WDR27: variants seen among roughly 807,000 people sequenced by gnomAD.
The protein encoded by WDR27 is WD repeat-containing protein 27.
WDR27 carries 100 observed loss-of-function variants against 114.4 expected under a neutral mutation model. The ratio of observed to expected loss-of-function variants is 0.87; its 90% CI spans 0.74 to 1.03. The LOEUF (loss-of-function observed/expected upper bound fraction) is 1.03. Ranked by LOEUF, WDR27 falls within the 50% of genes least tolerant of loss-of-function variation. The probability of loss-of-function intolerance (pLI) is 0.00; values close to 1 mark genes in which losing one functional copy is unlikely to be tolerated. For missense variants in WDR27, 1,129 were observed against 1,092.9 expected (o/e 1.03, Z -0.47); for synonymous variants, 449 against 423.1 (o/e 1.06, Z -0.75).
Position 169,699,966 on chromosome 6 carries a change from T to G in WDR27, c.-8+1585A>C, listed in dbSNP as rs1308351384. Among the ~76,000 whole-genome samples, 7 of 152,116 alleles carry G rather than the reference T, an allele frequency of 4.6e-5. No individual in the cohort carries two copies. The East Asian group carries it at 1.4e-3, about 29-fold the overall frequency. The stretch of plus-strand genomic sequence containing the variant: ...CACTCTACTTCAACCTGGACAACAG[T>G]GACATCCTGTCTCAAAGGAAAGAAA... On this transcript the variant is annotated intron_variant, in intron 1 of 25. Coordinates refer to ENST00000448612, the MANE Select transcript of WDR27 (RefSeq NM_182552.5).
At chr6:169,590,560 G>A (rs867555465) in intron 23 of WDR27, among the ~76,000 whole-genome samples, 15 of 152,322 alleles carry the variant, frequency 9.8e-5, no homozygotes, top group African/African-American at 3.4e-4. Flanking sequence ...ATGGTGGCAC[G>A]CAGGGCCACC....
intron 25 of WDR27, among the ~76,000 whole-genome samples, chr6:169,458,922 C>T (rs897671269): frequency 6.6e-6 from 1 of 151,662 alleles, no homozygotes; most frequent in Non-Finnish European, 1.5e-5. Flanking sequence ...AGTCAAGCTA[C>T]AACAATCAAA....
chr6:169,554,534 A>C (rs948071867), intron 25 of WDR27, among the ~76,000 whole-genome samples: 2 of 152,202 alleles, frequency 1.3e-5, no homozygotes, highest in Admixed American at 6.5e-5. Flanking sequence ...TAACCAAATC[A>C]AAATATTGAA....
the WDR27 span, among the ~76,000 whole-genome samples, chr6:169,431,040 A>T: frequency 1.3e-5 from 2 of 152,088 alleles, no homozygotes; most frequent in Admixed American, 6.5e-5. Context: ...GTCACCTAAG[A>T]TCAGTTTTAC....
chr6:169,437,040 T>C, the WDR27 span, among the ~76,000 whole-genome samples: 8 of 152,130 alleles, frequency 5.3e-5, no homozygotes, highest in African/African-American at 1.9e-4. Flanking sequence ...GCAAAAGTAA[T>C]GTGTATGAGT....
At chr6:169,660,600 T>C (rs993378678) in intron 10 of WDR27, 63 bp downstream of exon 10, 11 of 1,375,560 alleles carry the variant, frequency 8.0e-6, no homozygotes, top group Non-Finnish European at 9.3e-6. Flanking sequence ...ACACTTACAC[T>C]ACCCCACATA....
chr6:169,663,940 C>T lies in WDR27; in HGVS notation c.904+226G>A, dbSNP rs569051253. Among the ~76,000 whole-genome samples the T allele has an allele frequency of 5.3e-5, 8 of 152,364 alleles. No individual in the cohort carries two copies. The East Asian group carries it at 1.5e-3, about 29-fold the overall frequency. On this transcript the variant is annotated intron_variant, in intron 8 of 25. Transcript: ENST00000448612. ...CTTGGTGCCTCTGCTCTTCTGTTCA[C>T]CAAAGCCTCTCACCCCCGTCCCCAC...
chr6:169,502,343 T>C (rs535071963), intron 25 of WDR27, among the ~76,000 whole-genome samples: 1 of 152,322 alleles, frequency 6.6e-6, no homozygotes, highest in African/African-American at 2.4e-5. Flanking sequence ...CGATGTGGCG[T>C]TCCGTACACG....
At chr6:169,569,624 C>CT (rs944438926) in intron 25 of WDR27, among the ~76,000 whole-genome samples, 6 of 152,058 alleles carry the variant, frequency 3.9e-5, no homozygotes, top group Admixed American at 6.5e-5. Flanking sequence ...TAATATTTTC[C>CT]TTTTTTTCTC....
At chr6:169,450,656 C>T in the WDR27 span, among the ~76,000 whole-genome samples, 1 of 152,216 alleles carries the variant, frequency 6.6e-6, no homozygotes, top group Non-Finnish European at 1.5e-5. Context: ...CCAGAGTACA[C>T]TGGGTCTGGC....
chr6:169,651,126 A>T, intron 14 of WDR27, among the ~76,000 whole-genome samples: 1 of 113,870 alleles, frequency 8.8e-6, no homozygotes, highest in South Asian at 3.2e-4. Flanking sequence ...GGAGGGTTGG[A>T]GGCTGTCTTT....
At chr6:169,565,399 G>A (rs1233873193) in intron 25 of WDR27, among the ~76,000 whole-genome samples, 4 of 151,942 alleles carry the variant, frequency 2.6e-5, no homozygotes, top group Admixed American at 6.5e-5. Context: ...CAGATAAGGC[G>A]GAACACTGCC....
intron 1 of WDR27, among the ~76,000 whole-genome samples, chr6:169,698,873 G>A (rs1018887143): frequency 6.6e-6 from 1 of 152,238 alleles, no homozygotes; most frequent in Non-Finnish European, 1.5e-5. Context: ...GTAAGCAAGA[G>A]AGAAACATTT....
At chr6:169,594,262 C>T (rs1036521288) in intron 23 of WDR27, among the ~76,000 whole-genome samples, 1 of 152,082 alleles carries the variant, frequency 6.6e-6, no homozygotes, top group African/African-American at 2.4e-5. Flanking sequence ...TAAATTTGTA[C>T]TTTGATTGCA....
At chr6:169,497,720 T>TATCAACTATCAAA (rs542578758) in intron 25 of WDR27, among the ~76,000 whole-genome samples, 2 of 152,070 alleles carry the variant, frequency 1.3e-5, no homozygotes, top group Non-Finnish European at 2.9e-5. Context: ...TCACACCCAT[T>TATCAACTATCAAA]AGAATGCAAC....
intron 23 of WDR27, among the ~76,000 whole-genome samples, chr6:169,598,765 C>T (rs1807343603): frequency 6.6e-6 from 1 of 152,212 alleles, no homozygotes; most frequent in Non-Finnish European, 1.5e-5. Context: ...TTGGACCCTG[C>T]AGAAGGGGCC....
At chr6:169,646,513 G>C (rs1448462120) in intron 16 of WDR27, among the ~76,000 whole-genome samples, 5 of 152,198 alleles carry the variant, frequency 3.3e-5, no homozygotes, top group Admixed American at 1.3e-4. Flanking sequence ...TTGGGAGGCT[G>C]AGGCAGGTGG....
rs754804471 is a variant in WDR27 at position 169,643,802 on chromosome 6, T to A, written c.1658-16A>T. ...TGCCCATCTCCTGTTAAAAGAATTT[T>A]AAAAAAAGACTTCTTAGAAAAGCCT... is the stretch of plus-strand genomic sequence containing the variant. On this transcript the variant is annotated splice_polypyrimidine_tract_variant and intron_variant, in intron 16 of 25. Coordinates refer to ENST00000448612, the MANE Select transcript of WDR27 (RefSeq NM_182552.5). The A allele has an allele frequency of 5.6e-6, 9 of 1,602,150 alleles. No individual in the cohort carries two copies. The highest frequency in any genetic ancestry group is 1.7e-4 in the Middle Eastern group (1 of 6,006).
intron 22 of WDR27, among the ~76,000 whole-genome samples, chr6:169,612,795 C>T (rs1400907563): frequency 6.6e-6 from 1 of 152,136 alleles, no homozygotes; most frequent in Non-Finnish European, 1.5e-5. Context: ...AATTTTTCAG[C>T]TCCATCATAA....
Sources: gnomAD v4.1 joint callset for allele counts (sites outside exome capture counted in the v4.1 genomes callset) on GRCh38, gnomAD v4.1.1 for gene constraint, MANE v1.5 for transcripts, NCBI Gene and HGNC (gene_info 2026-07-23, HGNC 2026-07-21) for gene names.